PACSIN2: variants seen among roughly 807,000 people sequenced by gnomAD.
PACSIN2 encodes the protein protein kinase C and casein kinase substrate in neurons 2, also known as protein kinase C and casein kinase substrate in neurons protein 2.
A neutral mutation model predicts 63.8 loss-of-function variants in PACSIN2; 25 were observed. The observed-to-expected ratio is 0.39, with a 90% CI of 0.29 to 0.55. The LOEUF (loss-of-function observed/expected upper bound fraction) is 0.55, where lower values mean the gene tolerates loss of function less well. Ranked by LOEUF, PACSIN2 falls within the 20% of genes least tolerant of loss-of-function variation. The pLI, the probability that PACSIN2 is intolerant of heterozygous loss-of-function variation, is 0.62. For synonymous variants in PACSIN2, 255 were observed against 256.2 expected (o/e 1.00, Z 0.05); for missense variants, 518 against 646.9 (o/e 0.80, Z 2.16).
At chr22:42,897,920 G>T (rs373345978) in intron 2 of PACSIN2, among the ~76,000 whole-genome samples, 133 of 152,340 alleles carry the variant, frequency 8.7e-4, no homozygotes, top group African/African-American at 3.0e-3. Context: ...AGTCAGCTGG[G>T]AATGGAACAC....
intron 1 of PACSIN2, among the ~76,000 whole-genome samples, chr22:42,941,229 T>C (rs1426426982): frequency 6.6e-6 from 1 of 152,248 alleles, no homozygotes; most frequent in Non-Finnish European, 1.5e-5. Flanking sequence ...TGTATTTCAC[T>C]CCTTTTTGTT....
chr22:43,006,810 C>T (rs766844086), intron 1 of PACSIN2, among the ~76,000 whole-genome samples: 5 of 151,986 alleles, frequency 3.3e-5, no homozygotes, highest in African/African-American at 1.2e-4. Flanking sequence ...AGCAAAATTC[C>T]GTCTCAAAAA....
At chr22:43,014,353 GACACACACACACCACCCCCCCCCCC>G (rs1569383509) in intron 1 of PACSIN2, among the ~76,000 whole-genome samples, 367 of 8,220 alleles carry the variant, frequency 0.045, 7 homozygotes, top group African/African-American at 0.13. Context: ...CACACACACA[GACACACACACACCACCCCCCCCCCC>G]CCGGGACACG....
chr22:42,999,345 G>A (rs554135594), intron 1 of PACSIN2, among the ~76,000 whole-genome samples: 2 of 151,380 alleles, frequency 1.3e-5, no homozygotes, highest in East Asian at 3.9e-4. Context: ...TCTAATGTGT[G>A]TGTGTATGTG....
At chr22:42,930,143 AC>A (rs1258934805) in intron 1 of PACSIN2, among the ~76,000 whole-genome samples, 2 of 152,226 alleles carry the variant, frequency 1.3e-5, no homozygotes, top group Non-Finnish European at 2.9e-5. Flanking sequence ...CATGCACAAA[AC>A]GAGACAGAGG....
At chr22:42,910,712 G>A (rs1309977098) in intron 2 of PACSIN2, among the ~76,000 whole-genome samples, 1 of 140,620 alleles carries the variant, frequency 7.1e-6, no homozygotes, top group Non-Finnish European at 1.5e-5. Flanking sequence ...CTCTCCGGCT[G>A]CTGAAATTTG....
intron 2 of PACSIN2, among the ~76,000 whole-genome samples, chr22:42,894,744 T>C (rs970335396): frequency 9.2e-5 from 14 of 152,248 alleles, no homozygotes; most frequent in Non-Finnish European, 2.9e-5. Context: ...TTTCATTCTT[T>C]TAGCTGCTGG....
intron 1 of PACSIN2, among the ~76,000 whole-genome samples, chr22:42,955,076 C>T (rs1933857461): frequency 6.6e-6 from 1 of 152,126 alleles, no homozygotes; most frequent in African/African-American, 2.4e-5. Flanking sequence ...AGTTTCCCCC[C>T]AATCTCCTCC....
At chr22:42,917,780 GTA>G (rs891920879) in intron 1 of PACSIN2, among the ~76,000 whole-genome samples, 3 of 151,664 alleles carry the variant, frequency 2.0e-5, no homozygotes, top group African/African-American at 7.3e-5. Context: ...TCACTGATTG[GTA>G]CTCTTTTCTT....
At position 42,909,234 on chromosome 22, in the gene PACSIN2, TC is replaced by T. The variant is rs1931288956; in HGVS notation, c.60+2786del. Among the ~76,000 whole-genome samples, 4 of 152,130 alleles carry T rather than the reference TC, an allele frequency of 2.6e-5. No individual in the cohort carries two copies. The South Asian group carries it at 8.3e-4, about 32-fold the overall frequency. On this transcript the variant is annotated intron_variant, in intron 2 of 10. Coordinates refer to ENST00000263246, the MANE Select transcript of PACSIN2 (RefSeq NM_001184970.3). ...ATGACCTGCCTAGTGTCTACCTTAT[TC>T]CTCCAAATGTCACAGCCAAAGGCTC...
rs60659762 is a variant in PACSIN2 at position 42,997,543 on chromosome 22, G to A, written c.-78+17478C>T. On this transcript the variant is annotated intron_variant, in intron 1 of 10. Coordinates refer to ENST00000263246, the MANE Select transcript of PACSIN2 (RefSeq NM_001184970.3). ...ACTGCACTCCAGCCTGGGCGACAGC[G>A]AGACTCCGTCTCAAAAAAAAAAACA... Among the ~76,000 whole-genome samples the A allele has an allele frequency of 8.8e-3, 1,316 of 149,316 alleles. 13 individuals are homozygous for A. The highest frequency in any genetic ancestry group is 0.03 in the African/African-American group (1,217 of 40,600).
chr22:43,005,954 A>AT (rs971315715), intron 1 of PACSIN2, among the ~76,000 whole-genome samples: 72 of 147,036 alleles, frequency 4.9e-4, no homozygotes, highest in African/African-American at 1.1e-3. Context: ...TGTCCTTACA[A>AT]TTTTTTTTTT....
chr22:42,971,907 C>T (rs34572483), intron 1 of PACSIN2, among the ~76,000 whole-genome samples: 86,965 of 145,082 alleles, frequency 0.6, 26,845 homozygotes, highest in East Asian at 0.78. Flanking sequence ...AGCCTCCACC[C>T]GGCCGCCGCC....
At chr22:42,995,498 A>T (rs181069680) in intron 1 of PACSIN2, among the ~76,000 whole-genome samples, 1 of 152,286 alleles carries the variant, frequency 6.6e-6, no homozygotes, top group East Asian at 1.9e-4. Context: ...TACTCTGTCC[A>T]TTGGGCAGGA....
At chr22:42,977,981 T>C (rs187269393) in intron 1 of PACSIN2, among the ~76,000 whole-genome samples, 1 of 152,340 alleles carries the variant, frequency 6.6e-6, no homozygotes, top group East Asian at 1.9e-4. Context: ...GGGGTACTCA[T>C]ACATTGCTAG....
intron 1 of PACSIN2, among the ~76,000 whole-genome samples, chr22:43,005,602 A>G (rs940277777): frequency 6.6e-6 from 1 of 152,202 alleles, no homozygotes; most frequent in Non-Finnish European, 1.5e-5. Flanking sequence ...TCACCAAGGA[A>G]AGGTCCAAAA....
At chr22:42,883,687 A>C (rs1409206856) in intron 6 of PACSIN2, among the ~76,000 whole-genome samples, 14 of 152,264 alleles carry the variant, frequency 9.2e-5, no homozygotes, top group Admixed American at 3.9e-4. Flanking sequence ...CAGAAATGCC[A>C]GATTCACCTC....
At chr22:43,002,284 C>G (rs1205121848) in intron 1 of PACSIN2, 2 of 152,096 alleles carry the variant, frequency 1.3e-5, no homozygotes, top group Admixed American at 6.6e-5. Flanking sequence ...GAAAAGAAAG[C>G]TAGAGAAGGT....
intron 5 of PACSIN2, among the ~76,000 whole-genome samples, chr22:42,886,612 C>A (rs539231184): frequency 6.6e-6 from 1 of 152,072 alleles, no homozygotes; most frequent in Non-Finnish European, 1.5e-5. Flanking sequence ...ACTACAGGCA[C>A]GTGCTACCAC....
Sources: allele counts gnomAD v4.1 joint callset (sites outside exome capture counted in the v4.1 genomes callset), GRCh38; gene constraint gnomAD v4.1.1; transcripts MANE v1.5; gene names NCBI Gene and HGNC (gene_info 2026-07-23, HGNC 2026-07-21).